Variants in AIG1 observed in about 807,000 individuals in gnomAD.
AIG1 encodes androgen induced 1, also known as androgen-induced gene 1 protein.
Under a neutral mutation model 31.4 loss-of-function variants are expected in AIG1, and 23 were observed. That is an observed-to-expected ratio of 0.73 (90% CI 0.53 to 1.04). AIG1 has a LOEUF of 1.04. Among genes scored for constraint, AIG1 ranks in the 50% least tolerant of loss-of-function variants. The pLI is 0.00. For synonymous variants in AIG1, 100 were observed against 110.5 expected, an observed-to-expected ratio of 0.90 and a Z score of 0.60; for missense variants, 274 against 295.0, an observed-to-expected ratio of 0.93 and a Z score of 0.52.
chr6:143,101,723 T>C (rs1780297494), intron 1 of AIG1, among the ~76,000 whole-genome samples: 1 of 152,164 alleles, frequency 6.6e-6, no homozygotes. Context: ...GCTCAGGTTA[T>C]GGGTGCACCA....
At chr6:143,289,181 A>T (rs1335505261) in intron 4 of AIG1, among the ~76,000 whole-genome samples, 1 of 152,184 alleles carries the variant, frequency 6.6e-6, no homozygotes, top group African/African-American at 2.4e-5. Flanking sequence ...ACAAATGCAA[A>T]GATCCCCCAC....
chr6:143,244,256 C>A (rs1417294049), intron 3 of AIG1, among the ~76,000 whole-genome samples: 1 of 152,092 alleles, frequency 6.6e-6, no homozygotes, highest in East Asian at 1.9e-4. Flanking sequence ...TGTGGGAGTT[C>A]CCTTATCAAT....
chr6:143,183,720 T>TA (rs1451199369), intron 3 of AIG1, among the ~76,000 whole-genome samples: 1 of 152,228 alleles, frequency 6.6e-6, no homozygotes, highest in Non-Finnish European at 1.5e-5. Context: ...GAGTGTGGTT[T>TA]ACACAAGTGC....
At position 143,333,169 on chromosome 6, in the gene AIG1, G is replaced by A; in HGVS notation, c.516-113G>A. 9.1e-7 allele frequency: 1 copy of A among 1,100,116 alleles called. No homozygotes were observed. The highest frequency in any genetic ancestry group is 1.2e-6 in the Non-Finnish European group (1 of 812,180). 68.1% of individuals were successfully genotyped at this position (1,100,116 alleles called of 1,614,324 possible). On this transcript the variant is annotated intron_variant, in intron 4 of 5. Coordinates refer to ENST00000357847, the MANE Select transcript of AIG1 (RefSeq NM_016108.4). This position sits in a 1 kb window ranked among gnomAD's most constrained non-coding sequence, Gnocchi z 4.6. ...GAGTATCAGAAGCGAACTTGAGACT[G>A]GCAAATGCTGAAGCATGGGGAGAGT...
chr6:143,091,059 A>G (rs1184167769), intron 1 of AIG1, among the ~76,000 whole-genome samples: 1 of 151,372 alleles, frequency 6.6e-6, no homozygotes, highest in Non-Finnish European at 1.5e-5. Flanking sequence ...ATTCCATTTC[A>G]AGAAAGCATT....
At chr6:143,253,750 C>A (rs539224912) in intron 3 of AIG1, among the ~76,000 whole-genome samples, 2 of 152,256 alleles carry the variant, frequency 1.3e-5, no homozygotes, top group East Asian at 3.9e-4. Context: ...GCATTTCAAA[C>A]CGTCTTCAAA....
In AIG1 at chr6:143,279,356, A is replaced by G. The variant is rs571232150; in HGVS notation, c.400-4754A>G. Among the ~76,000 whole-genome samples the G allele has an allele frequency of 1.3e-5, 2 of 152,328 alleles. No individual in the cohort carries two copies. Among genetic ancestry groups the G allele is most frequent in the Admixed American group, 1.3e-4 (2 of 15,306 alleles). On this transcript the variant is annotated intron_variant, in intron 3 of 5. Transcript: ENST00000357847. This position sits in a 1 kb window ranked among gnomAD's most constrained non-coding sequence, Gnocchi z 5.4. The stretch of plus-strand genomic sequence containing the variant: ...CAAAGAATAATACTAAGCTTCACAC[A>G]TGTGTGAGAACCTGCGGGTCTGAGA...
At position 143,178,980 on chromosome 6, in the gene AIG1, A is replaced by G. The variant is rs148310967; in HGVS notation, c.399+13797A>G. ...TGGCAATCCCCACCACATAGGGCCC[A>G]TATAGGAGCTCTGGGGAGTGGGCTC... On this transcript the variant is annotated intron_variant, in intron 3 of 5. Coordinates refer to ENST00000357847, the MANE Select transcript of AIG1 (RefSeq NM_016108.4). 5.9e-4 allele frequency among the ~76,000 whole-genome samples: 90 copies of G among 152,276 alleles called. 1 individual carries two copies. Among genetic ancestry groups the G allele is most frequent in the African/African-American group, 2.0e-3 (82 of 41,548 alleles).
At chr6:143,241,496 A>G (rs1794238618) in intron 3 of AIG1, among the ~76,000 whole-genome samples, 1 of 152,104 alleles carries the variant, frequency 6.6e-6, no homozygotes, top group South Asian at 2.1e-4. Context: ...GAAAGAGTTC[A>G]TTTCCATGCC....
intron 1 of AIG1, among the ~76,000 whole-genome samples, chr6:143,092,146 C>T (rs1034683946): frequency 2.0e-5 from 3 of 152,066 alleles, no homozygotes; most frequent in Non-Finnish European, 4.4e-5. Flanking sequence ...TCTCTCTCAC[C>T]CATGCTGGAA....
intron 2 of AIG1, among the ~76,000 whole-genome samples, chr6:143,159,548 C>G (rs1022366869): frequency 1.3e-5 from 2 of 152,210 alleles, no homozygotes; most frequent in Non-Finnish European, 2.9e-5. Context: ...TAACATTACT[C>G]ACAGACTTAC....
chr6:143,138,087 A>G (rs1025200528), intron 2 of AIG1, among the ~76,000 whole-genome samples: 8 of 152,154 alleles, frequency 5.3e-5, no homozygotes, highest in African/African-American at 1.9e-4. Context: ...GCCAAATTAT[A>G]TTTTCTTGGA....
chr6:143,293,071 C>T lies in AIG1; in HGVS notation c.515+8846C>T, dbSNP rs1340624082. Among the ~76,000 whole-genome samples the T allele has an allele frequency of 6.6e-6, 1 of 152,146 alleles. No individual in the cohort carries two copies. Among genetic ancestry groups the T allele is most frequent in the Non-Finnish European group, 1.5e-5 (1 of 68,020 alleles). On this transcript the variant is annotated intron_variant, in intron 4 of 5. Coordinates refer to ENST00000357847, the MANE Select transcript of AIG1 (RefSeq NM_016108.4). This position sits in a 1 kb window ranked among gnomAD's most constrained non-coding sequence, Gnocchi z 4.8. ...TTAAAATGGGAAAGAATGCCTGCCT[C>T]ACAGAGTTGTGAGGATTAATGAGCC... is the stretch of plus-strand genomic sequence containing the variant.
intron 3 of AIG1, among the ~76,000 whole-genome samples, chr6:143,230,179 A>G (rs555422830): frequency 5.3e-5 from 8 of 152,256 alleles, no homozygotes; most frequent in East Asian, 1.9e-4. Flanking sequence ...CAGTTTCCCA[A>G]TGGAAGGTAT....
chr6:143,113,909 G>A (rs541871518), intron 1 of AIG1, among the ~76,000 whole-genome samples: 9 of 151,928 alleles, frequency 5.9e-5, no homozygotes, highest in African/African-American at 1.9e-4. Flanking sequence ...GGAGTAGCTG[G>A]GACTACAGGC....
chr6:143,315,650 C>T (rs1010930181), intron 4 of AIG1, among the ~76,000 whole-genome samples: 1 of 152,136 alleles, frequency 6.6e-6, no homozygotes, highest in Admixed American at 6.6e-5. Context: ...ATAAATCTTA[C>T]ACCTTTCACA....
chr6:143,092,112 ATTTATTTT>A (rs1779356452), intron 1 of AIG1, among the ~76,000 whole-genome samples: 1 of 151,864 alleles, frequency 6.6e-6, no homozygotes, highest in South Asian at 2.1e-4. Flanking sequence ...ACATTTATTT[ATTTATTTT>A]TTGAGATAGG....
At chr6:143,263,990 G>A (rs1030262838) in intron 3 of AIG1, among the ~76,000 whole-genome samples, 1 of 152,178 alleles carries the variant, frequency 6.6e-6, no homozygotes, top group South Asian at 2.1e-4. Flanking sequence ...TGTTAGTAGG[G>A]ACAGTTTGCT....
chr6:143,230,828 C>T lies in AIG1; in HGVS notation c.400-53282C>T, dbSNP rs568364297. On this transcript the variant is annotated intron_variant, in intron 3 of 5. Coordinates refer to ENST00000357847, the MANE Select transcript of AIG1 (RefSeq NM_016108.4). Reference sequence around the variant, plus strand: ...CTAAAATTTGAGAACTATTAATCAACAGAGGAAAGTCTGACTCCTCAACTT... The same window carrying T: ...CTAAAATTTGAGAACTATTAATCAATAGAGGAAAGTCTGACTCCTCAACTT... Among the ~76,000 whole-genome samples, 184 of 152,276 alleles carry T rather than the reference C, an allele frequency of 1.2e-3. 1 individual carries two copies. Among genetic ancestry groups the T allele is most frequent in the Middle Eastern group, 6.8e-3 (2 of 294 alleles).
Sources: allele counts gnomAD v4.1 joint callset (sites outside exome capture counted in the v4.1 genomes callset), GRCh38; gene constraint gnomAD v4.1.1; non-coding constraint Gnocchi (gnomAD v3.1); transcripts MANE v1.5; gene names NCBI Gene and HGNC (gene_info 2026-07-23, HGNC 2026-07-21).